The following ADD3 variants were observed in gnomAD, a reference collection of about 807,000 sequenced individuals.
ADD3 encodes the protein gamma-adducin.
Under a neutral mutation model 80.2 loss-of-function variants are expected in ADD3, and 25 were observed. The observed-to-expected ratio is 0.31, with a 90% CI of 0.23 to 0.44. The LOEUF is 0.44. Among genes scored for constraint, ADD3 ranks in the 20% least tolerant of loss-of-function variants. The pLI is 1.00. For missense variants in ADD3, 829 were observed against 847.5 expected, an observed-to-expected ratio of 0.98 and a Z score of 0.27; for synonymous variants, 284 against 289.6, an observed-to-expected ratio of 0.98 and a Z score of 0.20.
At chr10:110,030,098 C>T (rs922487264) in intron 1 of ADD3, among the ~76,000 whole-genome samples, 2 of 151,846 alleles carry the variant, frequency 1.3e-5, no homozygotes, top group East Asian at 1.9e-4. Flanking sequence ...CCGAGGTGGG[C>T]GGATCACCTG....
At chr10:110,028,142 T>C (rs1179277208) in intron 1 of ADD3, among the ~76,000 whole-genome samples, 5 of 152,240 alleles carry the variant, frequency 3.3e-5, no homozygotes, top group African/African-American at 1.2e-4. Context: ...ATATGGATAA[T>C]ATTTGGTACA....
chr10:110,073,989 C>T (rs1845090718), intron 1 of ADD3, among the ~76,000 whole-genome samples: 1 of 151,650 alleles, frequency 6.6e-6, no homozygotes, highest in African/African-American at 2.4e-5. Flanking sequence ...TCAAGCTAGA[C>T]TGAATGTCCC....
At chr10:110,115,500 C>T (rs1486499013) in intron 3 of ADD3, among the ~76,000 whole-genome samples, 1 of 152,050 alleles carries the variant, frequency 6.6e-6, no homozygotes, top group East Asian at 1.9e-4. Flanking sequence ...GCTCAAGAGT[C>T]TATAATGTTT....
intron 1 of ADD3, among the ~76,000 whole-genome samples, chr10:110,051,328 A>C (rs1267203971): frequency 6.6e-6 from 1 of 152,254 alleles, no homozygotes; most frequent in East Asian, 1.9e-4. Context: ...TAAAATGTTG[A>C]TGAGGATCTG....
upstream of ADD3, among the ~76,000 whole-genome samples, chr10:110,007,373 C>CG (rs1564827623): frequency 6.6e-6 from 1 of 152,178 alleles, no homozygotes; most frequent in East Asian, 1.9e-4. Context: ...CCAGGCCCCA[C>CG]GGGGGGCGTG....
intron 13 of ADD3, 69 bp downstream of exon 13, chr10:110,130,555 G>A: frequency 6.5e-7 from 1 of 1,541,498 alleles, no homozygotes; most frequent in Non-Finnish European, 8.8e-7. Flanking sequence ...CACGTTGGAT[G>A]ATAGAAAGCA....
chr10:110,046,912 T>C (rs188175849), intron 1 of ADD3, among the ~76,000 whole-genome samples: 2 of 152,074 alleles, frequency 1.3e-5, no homozygotes, highest in East Asian at 3.9e-4. Flanking sequence ...TGTCCTTTTT[T>C]TTGGTTTTAT....
At chr10:110,051,837 C>G (rs928923258) in intron 1 of ADD3, among the ~76,000 whole-genome samples, 1 of 152,300 alleles carries the variant, frequency 6.6e-6, no homozygotes, top group South Asian at 2.1e-4. Context: ...GAGTCTTGCT[C>G]TGTTGCCCAG....
At chr10:110,054,962 C>T (rs1025070828) in intron 1 of ADD3, among the ~76,000 whole-genome samples, 1 of 152,036 alleles carries the variant, frequency 6.6e-6, no homozygotes, top group African/African-American at 2.4e-5. Context: ...AGGGTTTCTC[C>T]ATGTTGGCCA....
chr10:110,032,126 C>T (rs566040272), intron 1 of ADD3, among the ~76,000 whole-genome samples: 3 of 151,836 alleles, frequency 2.0e-5, no homozygotes, highest in Non-Finnish European at 4.4e-5. Flanking sequence ...CAGAGACTGG[C>T]CATATAAGGA....
Position 110,063,737 on chromosome 10 carries a change from TTATATATATATATATATATATA to T in ADD3, c.-29-36863_-29-36842del, listed in dbSNP as rs139871560. Among the ~76,000 whole-genome samples the T allele has an allele frequency of 2.4e-3, 157 of 64,672 alleles. 2 individuals carry two copies. Among genetic ancestry groups the T allele is most frequent in the Middle Eastern group, 8.2e-3 (1 of 122 alleles). The allele number at this position is 64,672 out of a possible 152,430, so 42.4% of individuals were successfully genotyped here. ...TGATGAATATGAATATATATATTCA[TTATATATATATATATATATATA>T]TATATATATATATATATATATATAA... On this transcript the variant is annotated intron_variant, in intron 1 of 14. Transcript: ENST00000356080.
intron 1 of ADD3, among the ~76,000 whole-genome samples, chr10:110,044,450 T>C (rs1400917091): frequency 6.6e-6 from 1 of 152,220 alleles, no homozygotes; most frequent in African/African-American, 2.4e-5. Context: ...ATGAATCAAC[T>C]AGGAACCTAG....
At chr10:110,085,498 T>G (rs760732025) in intron 1 of ADD3, among the ~76,000 whole-genome samples, 4 of 152,204 alleles carry the variant, frequency 2.6e-5, no homozygotes, top group Non-Finnish European at 5.9e-5. Context: ...GGTGTCAAAC[T>G]GTAGCACATA....
At chr10:110,028,151 C>T (rs552437987) in intron 1 of ADD3, among the ~76,000 whole-genome samples, 3 of 152,282 alleles carry the variant, frequency 2.0e-5, no homozygotes, top group African/African-American at 7.2e-5. Context: ...ATATTTGGTA[C>T]ATAGTAGGTG....
At position 110,084,243 on chromosome 10, in the gene ADD3, A is replaced by T. The variant is rs200261305; in HGVS notation, c.-29-16382A>T. Among the ~76,000 whole-genome samples the T allele has an allele frequency of 1.8e-4, 27 of 152,346 alleles. No individual in the cohort carries two copies. In the East Asian group the frequency reaches 5.2e-3, roughly 29 times the overall value. ...GCACTCTCATTATTTTAAAATAGTAAAAATTGTTTTAGATTCTTATGGAAA... is the reference window on the plus strand; with the variant it reads ...GCACTCTCATTATTTTAAAATAGTATAAATTGTTTTAGATTCTTATGGAAA... On this transcript the variant is annotated intron_variant, in intron 1 of 14. Coordinates refer to ENST00000356080, the MANE Select transcript of ADD3 (RefSeq NM_016824.5).
chr10:110,011,242 A>C (rs1852298958), intron 1 of ADD3, among the ~76,000 whole-genome samples: 1 of 152,156 alleles, frequency 6.6e-6, no homozygotes, highest in African/African-American at 2.4e-5. Flanking sequence ...TTTTAACTTA[A>C]GTTTGTTCTA....
chr10:110,010,145 GAGAACATAACATC>G (rs1350629136), intron 1 of ADD3, among the ~76,000 whole-genome samples: 1 of 152,012 alleles, frequency 6.6e-6, no homozygotes, highest in African/African-American at 2.4e-5. Flanking sequence ...TTGAGACCAA[GAGAACATAACATC>G]AGCAACAGCC....
intron 1 of ADD3, among the ~76,000 whole-genome samples, chr10:110,073,770 G>T (rs1845055797): frequency 6.6e-6 from 1 of 152,140 alleles, no homozygotes; most frequent in Non-Finnish European, 1.5e-5. Flanking sequence ...GCACTTAACG[G>T]ATGGTTTCAG....
chr10:110,086,630 C>T (rs535205307), intron 1 of ADD3, among the ~76,000 whole-genome samples: 1 of 152,246 alleles, frequency 6.6e-6, no homozygotes, highest in South Asian at 2.1e-4. Context: ...GTAGCACTTC[C>T]TCCTTCGCTC....
Sources: gnomAD v4.1 joint callset for allele counts (sites outside exome capture counted in the v4.1 genomes callset) on GRCh38, gnomAD v4.1.1 for gene constraint, MANE v1.5 for transcripts, NCBI Gene and HGNC (gene_info 2026-07-23, HGNC 2026-07-21) for gene names.